Variants in KCNT1 observed in about 807,000 individuals in gnomAD.
KCNT1 encodes potassium channel subfamily T member 1.
KCNT1 carries 78 observed loss-of-function variants against 147.8 expected under a neutral mutation model. The ratio of observed to expected loss-of-function variants is 0.53; its 90% CI spans 0.44 to 0.64. The LOEUF is 0.64. Among genes scored for constraint, KCNT1 ranks in the 30% least tolerant of loss-of-function variants. The pLI, the probability that KCNT1 is intolerant of heterozygous loss-of-function variation, is 0.00. For synonymous variants in KCNT1, 867 were observed against 748.8 expected, an observed-to-expected ratio of 1.16 and a Z score of -2.58; for missense variants, 1,419 against 1,750.3, an observed-to-expected ratio of 0.81 and a Z score of 3.38.
chr9:135,770,426 C>G lies in KCNT1; in HGVS notation c.1748C>G (p.Ala583Gly), dbSNP rs1554774904. 1 of 1,612,350 alleles carries G rather than the reference C, an allele frequency of 6.2e-7. No homozygotes were observed. Among genetic ancestry groups the G allele is most frequent in the Non-Finnish European group, 8.5e-7 (1 of 1,179,356 alleles). ...TACGAGGGCAAGAGCTTCACCTACG[C>G]GGCCTTCCACGCCCACAAGAAGTAA... ...REYEGKSFTYAAFHAHKKYGV... is the reference protein window; with the variant it reads ...REYEGKSFTYGAFHAHKKYGV... Residue 583 changes from alanine (A) to glycine (G), a missense_variant, in exon 17 of 31, where the codon GCG (alanine) becomes GGG (glycine). Transcript: ENST00000371757.
rs781478279 is a variant in KCNT1 at position 135,753,890 on chromosome 9, T to C, written c.435-47T>C. The C allele has an allele frequency of 1.9e-6, 3 of 1,608,552 alleles. No homozygotes were observed. The East Asian group carries it at 6.7e-5, about 36-fold the overall frequency. On this transcript the variant is annotated intron_variant, in intron 4 of 30. Coordinates refer to ENST00000371757, the MANE Select transcript of KCNT1 (RefSeq NM_020822.3). ...GCCCTCGGGCAGCAAGTCCTTGCAG[T>C]GGTGCTAGAGGGGCCAGGGCCGGGC... is the stretch of plus-strand genomic sequence containing the variant.
chr9:135,756,731 G>C, intron 6 of KCNT1, 142 bp from the exon 7 acceptor site: 2 of 750,098 alleles, frequency 2.7e-6, no homozygotes, highest in East Asian at 2.5e-5. Flanking sequence ...GGCTAAGACT[G>C]TCCTGACATG....
intron 2 of KCNT1, among the ~76,000 whole-genome samples, chr9:135,748,669 C>G (rs1830977052): frequency 6.6e-6 from 1 of 152,238 alleles, no homozygotes; most frequent in Non-Finnish European, 1.5e-5. Flanking sequence ...TGAACACTGC[C>G]TCCTCCACGC....
chr9:135,775,622 C>T lies in KCNT1; in HGVS notation c.2349+207C>T, dbSNP rs767570566. Among the ~76,000 whole-genome samples the T allele has an allele frequency of 2.0e-4, 31 of 152,270 alleles. 1 individual carries two copies. The highest frequency in any genetic ancestry group is 3.9e-4 in the Admixed American group (6 of 15,292). On this transcript the variant is annotated intron_variant, in intron 20 of 30. Coordinates refer to ENST00000371757, the MANE Select transcript of KCNT1 (RefSeq NM_020822.3). ...TTCCTGTCCCGTTTGGGCTCTCCCTCTCACAGTGTCTATGTTAGAGGCACC... is the reference window on the plus strand; with the variant it reads ...TTCCTGTCCCGTTTGGGCTCTCCCTTTCACAGTGTCTATGTTAGAGGCACC...
At chr9:135,777,283 G>A in intron 20 of KCNT1, 55 bp from the exon 21 acceptor site, 2 of 1,567,248 alleles carry the variant, frequency 1.3e-6, no homozygotes, top group Non-Finnish European at 8.7e-7. Flanking sequence ...GGGCTCCAGT[G>A]GCCAGCAGGA....
chr9:135,774,439 T>A (rs1308596465), intron 19 of KCNT1, among the ~76,000 whole-genome samples: 7 of 107,976 alleles, frequency 6.5e-5, no homozygotes, highest in African/African-American at 2.9e-4. Context: ...GTGTGGTGTG[T>A]CTGTGGTGTG....
chr9:135,774,091 G>A (rs1832941208), intron 19 of KCNT1, among the ~76,000 whole-genome samples: 1 of 147,804 alleles, frequency 6.8e-6, no homozygotes, highest in South Asian at 2.2e-4. Flanking sequence ...TGTAATGTGT[G>A]TTGTGTGTCA....
At chr9:135,754,948 C>G (rs949745246) in intron 5 of KCNT1, among the ~76,000 whole-genome samples, 173 bp from the exon 6 acceptor site, 9 of 152,202 alleles carry the variant, frequency 5.9e-5, no homozygotes, top group African/African-American at 2.2e-4. Context: ...ACCTTCCCTT[C>G]CCTCCTCCTT....
intron 2 of KCNT1, among the ~76,000 whole-genome samples, chr9:135,749,093 G>A (rs914158744): frequency 6.6e-6 from 1 of 152,226 alleles, no homozygotes; most frequent in African/African-American, 2.4e-5. Context: ...TGTCTGTCCT[G>A]CAGGCTGGCA....
Position 135,702,293 on chromosome 9 carries a change from G to T in KCNT1, c.35G>T (p.Gly12Val), listed in dbSNP as rs763055585. 3.1e-6 allele frequency: 5 copies of T among 1,609,372 alleles called. No homozygotes were observed. The African/African-American group carries it at 5.4e-5, about 17-fold the overall frequency. Residue 12 changes from glycine (G) to valine (V), a missense_variant, in exon 1 of 31, where the codon GGC becomes GTC. Transcript: ENST00000371757. ...PLPDGARTPG[G>V]VCREARGGGY... ...CCTGACGGGGCGCGGACCCCGGGGG[G>T]CGTCTGCCGGGAGGCGCGCGGCGGG...
At chr9:135,768,743 G>A (rs1203703161) in intron 14 of KCNT1, 70 bp downstream of exon 14, 37 of 1,535,412 alleles carry the variant, frequency 2.4e-5, no homozygotes, top group Non-Finnish European at 3.0e-5. Context: ...GTCCCTGAGG[G>A]AAGAGACCTG....
chr9:135,772,021 C>T (rs778657337), intron 18 of KCNT1, among the ~76,000 whole-genome samples: 66 of 152,272 alleles, frequency 4.3e-4, no homozygotes, highest in Non-Finnish European at 6.6e-4. Flanking sequence ...GGTTTGGAGA[C>T]GTGCCGATGC....
At position 135,771,037 on chromosome 9, in the gene KCNT1, G is replaced by A. The variant is rs778277695; in HGVS notation, c.1950G>A (p.Gly650=). 3 of 1,613,000 alleles carry A rather than the reference G, an allele frequency of 1.9e-6. No homozygotes were observed. Among genetic ancestry groups the A allele is most frequent in the South Asian group, 2.2e-5 (2 of 90,844 alleles). The change falls in exon 18 of 31, where the codon GGG becomes GGA. Residue 650 remains glycine, a synonymous_variant. Coordinates refer to ENST00000371757, the MANE Select transcript of KCNT1 (RefSeq NM_020822.3). ...AGCGGAAGAAGAGGGCCTTCTCGGG[G>A]CAGGGGCTGCACGAGGGTCCGGCCC... ...EEKRKKRAFS[G]QGLHEGPARL... is the part of the protein sequence containing the mutation.
At position 135,757,215 on chromosome 9, in the gene KCNT1, G is replaced by A; in HGVS notation, c.660G>A (p.Leu220=). The A allele has an allele frequency of 3.7e-6, 6 of 1,611,524 alleles. No individual in the cohort carries two copies. The highest frequency in any genetic ancestry group is 5.1e-6 in the Non-Finnish European group (6 of 1,179,674). Residue 220 remains leucine (L), a synonymous_variant, in exon 8 of 31, where the codon CTG becomes CTA. Transcript: ENST00000371757. ...TCGTCCTGGAGATGATCAACACTCT[G>A]CCCTTCATCATCACGGTGGGTGAGC... ...VSFVLEMINT[L]PFIITIFWPP...
rs1455706868 is a variant in KCNT1, at chr9:135,791,822, C to T, written c.3528C>T (p.Thr1176=). ...GYDEMNDHQN[T]LSYVLINPPP... Reference sequence around the variant, plus strand: ...ACGAGATGAACGACCACCAGAACACCCTCTCCTACGTCCTCATCAACCCTC... The same window carrying T: ...ACGAGATGAACGACCACCAGAACACTCTCTCCTACGTCCTCATCAACCCTC... The change falls in exon 30 of 31, where the codon ACC becomes ACT. Residue 1176 remains threonine, a synonymous_variant. Coordinates refer to ENST00000371757, the MANE Select transcript of KCNT1 (RefSeq NM_020822.3). 1 of 1,613,920 alleles carries T rather than the reference C, an allele frequency of 6.2e-7. No individual in the cohort carries two copies. The highest frequency in any genetic ancestry group is 8.5e-7 in the Non-Finnish European group (1 of 1,179,928).
chr9:135,749,418 C>T (rs574300737), intron 2 of KCNT1, among the ~76,000 whole-genome samples: 12 of 152,178 alleles, frequency 7.9e-5, no homozygotes, highest in Non-Finnish European at 1.5e-4. Flanking sequence ...CCATGAGCAG[C>T]GGCGTGCATG....
At chr9:135,785,595 C>T in intron 28 of KCNT1, 1 of 605,986 alleles carries the variant, frequency 1.7e-6, no homozygotes, top group Non-Finnish European at 3.0e-6. Flanking sequence ...ACCCCCGCCC[C>T]CTCCCAGGCC....
chr9:135,779,000 C>T (rs1265682050), intron 23 of KCNT1, among the ~76,000 whole-genome samples, 178 bp downstream of exon 23: 1 of 145,294 alleles, frequency 6.9e-6, no homozygotes, highest in Admixed American at 6.9e-5. Flanking sequence ...CGCCCTGAGA[C>T]CCCCACAGCT....
At position 135,772,734 on chromosome 9, in the gene KCNT1, G is replaced by A; in HGVS notation, c.2028G>A (p.Leu676=). 1 of 1,421,258 alleles carries A rather than the reference G, an allele frequency of 7.0e-7. No homozygotes were observed. 88.0% of individuals were successfully genotyped at this position (1,421,258 alleles called of 1,614,324 possible). A position where few individuals can be genotyped will look rare whatever the true frequency, so the allele number is the denominator to read the frequency against. Residue 676 remains leucine, a synonymous_variant, in exon 19 of 31, where the codon CTG becomes CTA. Coordinates refer to ENST00000371757, the MANE Select transcript of KCNT1 (RefSeq NM_020822.3). ...TTCCAGGGACAGTGGCCATGGACCTGCAGGGCACAGAGCACCGGCCTACGC... is the reference window on the plus strand; with the variant it reads ...TTCCAGGGACAGTGGCCATGGACCTACAGGGCACAGAGCACCGGCCTACGC... The part of the protein sequence containing the change: ...IASMGTVAMD[L]QGTEHRPTQS...
Sources: allele counts gnomAD v4.1 joint callset (sites outside exome capture counted in the v4.1 genomes callset), GRCh38; gene constraint gnomAD v4.1.1; transcripts MANE v1.5; gene names NCBI Gene and HGNC (gene_info 2026-07-23, HGNC 2026-07-21).